The following SLC6A14 variants were observed in gnomAD, a reference collection of about 807,000 sequenced individuals.
The protein encoded by SLC6A14 is solute carrier family 6 member 14.
SLC6A14 carries 21 observed loss-of-function variants against 51.4 expected under a neutral mutation model. That is an observed-to-expected ratio of 0.41 (90% CI 0.29 to 0.59). The LOEUF (loss-of-function observed/expected upper bound fraction) is 0.59, where lower values mean the gene tolerates loss of function less well. Ranked by LOEUF, SLC6A14 falls within the 20% of genes least tolerant of loss-of-function variation. SLC6A14 has a pLI of 0.31. For missense variants in SLC6A14, 371 were observed against 472.8 expected (o/e 0.78, Z 2.00); for synonymous variants, 177 against 160.7 (o/e 1.10, Z -0.77).
In SLC6A14 at chrX:116,436,686, C is replaced by T. The variant is rs1452533314; in HGVS notation, c.-24C>T. 7 of 1,160,173 alleles carry T rather than the reference C, an allele frequency of 6.0e-6. No individual in the cohort carries two copies. The highest frequency in any genetic ancestry group is 8.1e-6 in the Non-Finnish European group (7 of 868,720). ...AGCCAGACTGCAAGAGGAGGCGAGG[C>T]GGAGCCAGCCGAGGGAGTGAACCAT... On this transcript the variant is annotated 5_prime_UTR_variant, in exon 1 of 14. Coordinates refer to ENST00000598581, the MANE Select transcript of SLC6A14 (RefSeq NM_007231.5).
rs1556694061 is a variant in SLC6A14 at position 116,446,814 on chromosome X, G to T, written c.863G>T (p.Gly288Val). 8 of 1,206,040 alleles carry T rather than the reference G, an allele frequency of 6.6e-6. No individual in the cohort carries two copies. Among genetic ancestry groups the T allele is most frequent in the Non-Finnish European group, 9.0e-6 (8 of 890,817 alleles). ...TTAGTACGAGGTGCAACTCTGGAGG[G>T]TGCTTCAAAAGGCATTTCATACTAT... ...ILLVRGATLE[G>V]ASKGISYYIG... is the part of the protein sequence containing the mutation. The change falls in exon 7 of 14, where the codon GGT becomes GTT. Residue 288 changes from glycine (G) to valine (V), a missense_variant. Transcript: ENST00000598581.
At chrX:116,439,180 A>G (rs1927545785) in intron 2 of SLC6A14, among the ~76,000 whole-genome samples, 1 of 111,847 alleles carries the variant, frequency 8.9e-6, no homozygotes, top group Non-Finnish European at 1.9e-5. Context: ...ACAAATTTCT[A>G]GGAACTATAT....
At chrX:116,445,518 T>C (rs1355047689) in intron 6 of SLC6A14, among the ~76,000 whole-genome samples, 1 of 108,380 alleles carries the variant, frequency 9.2e-6, no homozygotes, top group Non-Finnish European at 1.9e-5. Flanking sequence ...TGTGTGTGTT[T>C]GTGTGTATGT....
chrX:116,453,160 T>A lies in SLC6A14; in HGVS notation c.1285+18T>A. ...TTCGATTGGTAAGTAATACTTCCAG[T>A]GGTAACATATTCCTCTTATATTTCT... is the stretch of plus-strand genomic sequence containing the variant. On this transcript the variant is annotated intron_variant, in intron 9 of 13. Transcript: ENST00000598581. The A allele has an allele frequency of 8.5e-7, 1 of 1,172,996 alleles. No homozygotes were observed. The highest frequency in any genetic ancestry group is 1.8e-5 in the African/African-American group (1 of 56,239).
intron 1 of SLC6A14, 91 bp from the exon 2 acceptor site, chrX:116,437,699 A>T: frequency 1.1e-6 from 1 of 921,132 alleles, no homozygotes; most frequent in East Asian, 3.2e-5. Flanking sequence ...TCTTCCCCCC[A>T]TTTTCTGTTG....
In SLC6A14 at chrX:116,454,458, T is replaced by G; in HGVS notation, c.1404+16T>G. ...TGTGACTCAGGTATACTACAGCATT[T>G]TTTTTCATAGAAACATATTAGTTGG... On this transcript the variant is annotated intron_variant, in intron 10 of 13. Transcript: ENST00000598581. The G allele has an allele frequency of 1.0e-6, 1 of 965,984 alleles. No homozygotes were observed. Among genetic ancestry groups the G allele is most frequent in the Non-Finnish European group, 1.5e-6 (1 of 678,152 alleles). The allele number at this position is 965,984 out of a possible 1,213,427, so 79.6% of individuals were successfully genotyped here.
intron 7 of SLC6A14, among the ~76,000 whole-genome samples, chrX:116,448,648 TAAG>T (rs1158063881): frequency 8.9e-6 from 1 of 112,153 alleles, no homozygotes; most frequent in African/African-American, 3.2e-5. Context: ...ACATTTTCCC[TAAG>T]AAGTAGATTC....
In SLC6A14 at chrX:116,458,014, G is replaced by A. The variant is rs6608647; in HGVS notation, c.1782+238G>A. On this transcript the variant is annotated intron_variant, in intron 13 of 13. Transcript: ENST00000598581. ...CTATAAGCTCCTTGTGGGGAAAGTC[G>A]GGTCTTATTTGTTGCTGTACCTCTG... Among the ~76,000 whole-genome samples, 418 of 111,357 alleles carry A rather than the reference G, an allele frequency of 3.8e-3. 1 individual carries two copies. Among genetic ancestry groups the A allele is most frequent in the African/African-American group, 0.012 (379 of 30,777 alleles).
At chrX:116,440,527 T>C (rs1254035925) in intron 2 of SLC6A14, among the ~76,000 whole-genome samples, 2 of 112,055 alleles carry the variant, frequency 1.8e-5, no homozygotes, top group Non-Finnish European at 3.8e-5. Flanking sequence ...TGTTTTCACA[T>C]AGGCCCTGTA....
In SLC6A14 at chrX:116,460,210, T is replaced by C. The variant is rs1928016529; in HGVS notation, c.*1255T>C. The C allele has an allele frequency of 8.9e-6, 1 of 111,782 alleles. No individual in the cohort carries two copies. Among genetic ancestry groups the C allele is most frequent in the Non-Finnish European group, 1.9e-5 (1 of 53,134 alleles). The allele number at this position is 111,782 out of a possible 1,213,427, so 9.2% of individuals were successfully genotyped here. On this transcript the variant is annotated 3_prime_UTR_variant, in exon 14 of 14. Transcript: ENST00000598581. ...GTGTGTACATGTACATGCATTTTTC[T>C]AGGGAGAGAGTCCGTAGGTTTATCA...
chrX:116,443,545 G>A (rs1927640883), intron 4 of SLC6A14, 98 bp from the exon 5 acceptor site: 1 of 564,651 alleles, frequency 1.8e-6, no homozygotes, highest in Admixed American at 5.3e-5. Context: ...TAACAATTTT[G>A]ATGATAATTT....
At chrX:116,448,586 T>C (rs1276890272) in intron 7 of SLC6A14, among the ~76,000 whole-genome samples, 1 of 112,136 alleles carries the variant, frequency 8.9e-6, no homozygotes, top group African/African-American at 3.2e-5. Context: ...TATGAGCTAA[T>C]GTACAATTAT....
intron 1 of SLC6A14, among the ~76,000 whole-genome samples, 173 bp downstream of exon 1, chrX:116,436,930 T>TA (rs1927493452): frequency 8.9e-6 from 1 of 111,843 alleles, no homozygotes; most frequent in African/African-American, 3.3e-5. Flanking sequence ...GAAAAGCTCT[T>TA]ACTCTCATAG....
intron 2 of SLC6A14, among the ~76,000 whole-genome samples, chrX:116,440,137 G>A (rs781950716): frequency 1.6e-4 from 18 of 110,881 alleles, no homozygotes; most frequent in Admixed American, 3.9e-4. Context: ...TTGCTTCAAC[G>A]TATAATTTGG....
intron 6 of SLC6A14, 95 bp downstream of exon 6, chrX:116,445,145 T>A: frequency 1.2e-6 from 1 of 867,698 alleles, no homozygotes; most frequent in East Asian, 3.4e-5. Flanking sequence ...TTTTTTTCTA[T>A]AATGGGAGCA....
chrX:116,445,421 G>T (rs1177993835), intron 6 of SLC6A14, among the ~76,000 whole-genome samples: 8 of 100,200 alleles, frequency 8.0e-5, no homozygotes, highest in Non-Finnish European at 1.4e-4. Flanking sequence ...CTAGATCCTT[G>T]TTCTATAGAG....
intron 2 of SLC6A14, 102 bp downstream of exon 2, chrX:116,438,057 A>T: frequency 1.6e-6 from 1 of 624,647 alleles, no homozygotes; most frequent in South Asian, 3.0e-5. Flanking sequence ...GAAGGAAGGC[A>T]TATGACAGTT....
At chrX:116,458,713 A>G (rs1927980909) in intron 13 of SLC6A14, 96 bp from the exon 14 acceptor site, 8 of 809,665 alleles carry the variant, frequency 9.9e-6, no homozygotes, top group Non-Finnish European at 1.3e-5. Flanking sequence ...TAGTAGAGAA[A>G]AAATAATTTA....
chrX:116,442,989 T>A (rs1402449991), intron 4 of SLC6A14, 141 bp downstream of exon 4: 2 of 407,037 alleles, frequency 4.9e-6, no homozygotes, highest in Non-Finnish European at 8.1e-6. Context: ...GCATATATAA[T>A]CAGAAAAATG....
Sources: gnomAD v4.1 joint callset for allele counts (sites outside exome capture counted in the v4.1 genomes callset) on GRCh38, gnomAD v4.1.1 for gene constraint, MANE v1.5 for transcripts, NCBI Gene and HGNC (gene_info 2026-07-23, HGNC 2026-07-21) for gene names.